Variants in DCHS2 observed in about 807,000 individuals in gnomAD.
DCHS2 encodes the protein protocadherin-23.
A neutral mutation model predicts 182.4 loss-of-function variants in DCHS2; 142 were observed. The observed-to-expected ratio is 0.78, with a 90% CI of 0.68 to 0.89. The LOEUF is 0.89. Among genes scored for constraint, DCHS2 ranks in the 40% least tolerant of loss-of-function variants. The pLI is 0.00. For synonymous variants in DCHS2, 1,740 were observed against 1,663.3 expected (o/e 1.05, Z -1.12); for missense variants, 4,319 against 4,198.6 (o/e 1.03, Z -0.79).
At chr4:154,244,083 T>G (rs1731960925) in intron 16 of DCHS2, among the ~76,000 whole-genome samples, 1 of 152,226 alleles carries the variant, frequency 6.6e-6, no homozygotes, top group South Asian at 2.1e-4. Flanking sequence ...TCATTTGATT[T>G]AAATGCACCT....
At chr4:154,422,677 GACCTGGCCTTGCTGCCTC>G (rs1371871597) in intron 1 of DCHS2, among the ~76,000 whole-genome samples, 1 of 152,140 alleles carries the variant, frequency 6.6e-6, no homozygotes, top group Non-Finnish European at 1.5e-5. Context: ...TCTTCTATGT[GACCTGGCCTTGCTGCCTC>G]ACCAGGCTTG....
intron 13 of DCHS2, among the ~76,000 whole-genome samples, chr4:154,274,590 G>A (rs1393063709): frequency 6.6e-6 from 1 of 152,092 alleles, no homozygotes; most frequent in Non-Finnish European, 1.5e-5. Context: ...TGTGTATCAT[G>A]TAGTATCTGG....
chr4:154,308,627 G>A (rs1040063857), intron 10 of DCHS2, among the ~76,000 whole-genome samples: 5 of 152,168 alleles, frequency 3.3e-5, no homozygotes, highest in African/African-American at 1.2e-4. Flanking sequence ...AACGAGTAAT[G>A]GAAAGTGTGA....
intron 1 of DCHS2, among the ~76,000 whole-genome samples, chr4:154,459,944 C>T (rs955517314): frequency 6.6e-6 from 1 of 151,578 alleles, no homozygotes; most frequent in African/African-American, 2.4e-5. Context: ...TCTGCCAGGC[C>T]ACCAATTCTA....
chr4:154,236,693 T>TATTG lies in DCHS2; in HGVS notation c.7955_7958dup (p.Gln2654AsnfsTer5), dbSNP rs1226904893. On this transcript the variant is annotated frameshift_variant, in exon 20 of 20. Coordinates refer to ENST00000357232, the MANE Select transcript of DCHS2 (RefSeq NM_001358235.2). LOFTEE classifies it low-confidence loss of function (END_TRUNC). ...GATTGTCATTGACATCAAGTACTTG[T>TATTG]ATTGATATGACAGCTGTGGAACTCA... 1 of 1,613,960 alleles carries TATTG rather than the reference T, an allele frequency of 6.2e-7. No individual in the cohort carries two copies. Among genetic ancestry groups the TATTG allele is most frequent in the Non-Finnish European group, 8.5e-7 (1 of 1,179,936 alleles).
intron 1 of DCHS2, among the ~76,000 whole-genome samples, chr4:154,404,706 C>A (rs532461965): frequency 6.6e-6 from 1 of 152,168 alleles, no homozygotes; most frequent in Non-Finnish European, 1.5e-5. Context: ...ATTATTAGGT[C>A]CATGCGCATT....
At chr4:154,277,642 A>G (rs1733914249) in intron 13 of DCHS2, among the ~76,000 whole-genome samples, 1 of 152,008 alleles carries the variant, frequency 6.6e-6, no homozygotes. Flanking sequence ...AAAAAAAAAA[A>G]AAAAAGACAA....
At chr4:154,411,390 A>G (rs1423946076) in intron 1 of DCHS2, among the ~76,000 whole-genome samples, 2 of 152,124 alleles carry the variant, frequency 1.3e-5, no homozygotes, top group African/African-American at 4.8e-5. Context: ...CAAGGACAGG[A>G]GTTCAAGACC....
intron 5 of DCHS2, among the ~76,000 whole-genome samples, chr4:154,331,338 A>C (rs1378533991): frequency 6.6e-6 from 1 of 152,178 alleles, no homozygotes; most frequent in African/African-American, 2.4e-5. Context: ...TAGGGGAGGG[A>C]AGATCACGGG....
intron 16 of DCHS2, 48 bp from the exon 17 acceptor site, chr4:154,242,820 A>G: frequency 6.4e-7 from 1 of 1,558,078 alleles, no homozygotes; most frequent in Non-Finnish European, 8.6e-7. Flanking sequence ...TCCAGGAATT[A>G]GAAAAACAAC....
intron 13 of DCHS2, among the ~76,000 whole-genome samples, chr4:154,295,551 A>AG (rs1475628019): frequency 6.6e-5 from 10 of 152,228 alleles, no homozygotes; most frequent in Non-Finnish European, 8.8e-5. Flanking sequence ...GACATACCGT[A>AG]GGCCCCTAAC....
At chr4:154,284,586 GA>G (rs2111243751) in intron 13 of DCHS2, 1 of 152,570 alleles carries the variant, frequency 6.6e-6, no homozygotes, top group African/African-American at 2.4e-5. Context: ...GTGCACTTGG[GA>G]GAGGGTGAGC....
At chr4:154,370,643 A>T (rs1175320881) in intron 2 of DCHS2, among the ~76,000 whole-genome samples, 2 of 152,222 alleles carry the variant, frequency 1.3e-5, no homozygotes, top group East Asian at 3.8e-4. Flanking sequence ...AAGCAGGGAC[A>T]TCTCTAAAAA....
chr4:154,241,849 A>G (rs1468293061), intron 17 of DCHS2, among the ~76,000 whole-genome samples: 1 of 152,224 alleles, frequency 6.6e-6, no homozygotes. Flanking sequence ...ATATTTGTAG[A>G]TATCTCTATG....
At chr4:154,460,060 A>T (rs1734950041) in intron 1 of DCHS2, among the ~76,000 whole-genome samples, 2 of 152,182 alleles carry the variant, frequency 1.3e-5, no homozygotes, top group South Asian at 4.1e-4. Context: ...TCACTGGTAC[A>T]TTTCTACTGT....
chr4:154,354,027 A>G (rs1257429587), intron 3 of DCHS2, among the ~76,000 whole-genome samples: 1 of 152,118 alleles, frequency 6.6e-6, no homozygotes, highest in Non-Finnish European at 1.5e-5. Flanking sequence ...CCTGGGCTCA[A>G]GCAATCCTTC....
rs1333566975 is a variant in DCHS2 at position 154,305,208 on chromosome 4, C to CA, written c.5283dup (p.Glu1762Ter). The CA allele has an allele frequency of 6.2e-7, 1 of 1,610,860 alleles. No homozygotes were observed. Among genetic ancestry groups the CA allele is most frequent in the African/African-American group, 1.3e-5 (1 of 74,800 alleles). On this transcript the variant is annotated frameshift_variant, in exon 11 of 20. Transcript: ENST00000357232. LOFTEE classifies it high-confidence loss of function. The stretch of plus-strand genomic sequence containing the variant: ...TCAAATGAAGCACCTGGCATGATTT[C>CA]AAACTGAAGCTTGGAATTGACTCCT...
chr4:154,444,835 A>C (rs957414333), intron 1 of DCHS2, among the ~76,000 whole-genome samples: 1 of 151,968 alleles, frequency 6.6e-6, no homozygotes, highest in Admixed American at 6.6e-5. Context: ...CATCTCTTCC[A>C]CGCGCCCCGT....
At position 154,236,411 on chromosome 4, in the gene DCHS2, C is replaced by A. The variant is rs760873311; in HGVS notation, c.8241G>T (p.Lys2747Asn). 6.2e-7 allele frequency: 1 copy of A among 1,614,046 alleles called. No homozygotes were observed. Among genetic ancestry groups the A allele is most frequent in the Non-Finnish European group, 8.5e-7 (1 of 1,179,944 alleles). The part of the protein sequence containing the change: ...TLTVQASDAE[K>N]KHFSFAVVFV... ...ACACAACTGCAAAAGAAAAATGTTT[C>A]TTTTCTGCATCTGAAGCTTGGACAG... The change falls in exon 20 of 20, where the codon AAG becomes AAT. Residue 2747 changes from lysine (K) to asparagine (N), a missense_variant. Transcript: ENST00000357232.
Sources: gnomAD v4.1 joint callset for allele counts (sites outside exome capture counted in the v4.1 genomes callset) on GRCh38, gnomAD v4.1.1 for gene constraint, MANE v1.5 for transcripts, NCBI Gene and HGNC (gene_info 2026-07-23, HGNC 2026-07-21) for gene names.